The following ACVR1C variants were observed in gnomAD, a reference collection of about 807,000 sequenced individuals.
ACVR1C encodes activin receptor type-1C.
ACVR1C carries 23 observed loss-of-function variants against 57.9 expected under a neutral mutation model. The ratio of observed to expected loss-of-function variants is 0.40; its 90% CI spans 0.29 to 0.56. The LOEUF is 0.56. ACVR1C is among the 20% of genes least tolerant of loss of function. ACVR1C has a pLI of 0.50. For synonymous variants in ACVR1C, 214 were observed against 215.3 expected (o/e 0.99, Z 0.05); for missense variants, 480 against 607.9 (o/e 0.79, Z 2.21).
intron 2 of ACVR1C, among the ~76,000 whole-genome samples, chr2:157,586,197 C>T (rs1688917998): frequency 6.6e-6 from 1 of 151,912 alleles, no homozygotes. Context: ...ACATAGTTAT[C>T]TTCTATTTAG....
chr2:157,596,528 A>G (rs1165087656), intron 1 of ACVR1C, among the ~76,000 whole-genome samples: 2 of 152,190 alleles, frequency 1.3e-5, no homozygotes, highest in African/African-American at 2.4e-5. Flanking sequence ...ATCCAATAAC[A>G]TGATAGACAT....
intron 5 of ACVR1C, among the ~76,000 whole-genome samples, chr2:157,543,271 T>C (rs1308562196): frequency 6.6e-6 from 1 of 152,160 alleles, no homozygotes; most frequent in Non-Finnish European, 1.5e-5. Context: ...ATCCCCAAGG[T>C]CCTTGCAACT....
rs1238220369 is a variant in ACVR1C at position 157,526,821 on chromosome 2, G to A, written c.*7097C>T. 1 of 152,136 alleles carries A rather than the reference G, an allele frequency of 6.6e-6. No individual in the cohort carries two copies. The highest frequency in any genetic ancestry group is 2.4e-5 in the African/African-American group (1 of 41,438). 9.4% of individuals were successfully genotyped at this position (152,136 alleles called of 1,614,324 possible). A position where few individuals can be genotyped will look rare whatever the true frequency, so the allele number is the denominator to read the frequency against. Reference sequence around the variant, plus strand: ...AGTTCTATATGCTTCACAGAAACAAGTGCAAGAAGTGCTTGATTTATTATC... The same window carrying A: ...AGTTCTATATGCTTCACAGAAACAAATGCAAGAAGTGCTTGATTTATTATC... On this transcript the variant is annotated 3_prime_UTR_variant, in exon 9 of 9. Transcript: ENST00000243349.
intron 1 of ACVR1C, chr2:157,597,229 C>T (rs114718711): frequency 3.3e-4 from 189 of 568,678 alleles, no homozygotes; most frequent in Non-Finnish European, 4.1e-4. Flanking sequence ...GTGCATTAAC[C>T]TGCCCCCACT....
chr2:157,614,865 A>C (rs1219280383), intron 1 of ACVR1C, among the ~76,000 whole-genome samples: 1 of 152,072 alleles, frequency 6.6e-6, no homozygotes, highest in African/African-American at 2.4e-5. Flanking sequence ...CTTTCAATCT[A>C]TTTGTCTCTT....
At chr2:157,535,717 A>C (rs958275855) in intron 8 of ACVR1C, among the ~76,000 whole-genome samples, 1 of 152,158 alleles carries the variant, frequency 6.6e-6, no homozygotes, top group Non-Finnish European at 1.5e-5. Context: ...TGGGAGGCGG[A>C]GGTAGCAGTA....
chr2:157,576,553 G>C (rs1688657681), intron 2 of ACVR1C, among the ~76,000 whole-genome samples: 1 of 152,068 alleles, frequency 6.6e-6, no homozygotes, highest in South Asian at 2.1e-4. Context: ...CATTGTGCTT[G>C]ATCATTTTCT....
chr2:157,609,836 T>C (rs1432887904), intron 1 of ACVR1C, among the ~76,000 whole-genome samples: 1 of 152,042 alleles, frequency 6.6e-6, no homozygotes, highest in East Asian at 1.9e-4. Flanking sequence ...TTACTTTCAG[T>C]GTATATGGGT....
At chr2:157,609,761 T>C (rs1902032) in intron 1 of ACVR1C, among the ~76,000 whole-genome samples, 9,955 of 152,138 alleles carry the variant, frequency 0.065, 499 homozygotes, top group East Asian at 0.24. Context: ...TATTATCTGA[T>C]ATAAGTATAA....
intron 2 of ACVR1C, among the ~76,000 whole-genome samples, chr2:157,580,109 G>A (rs938706220): frequency 4.0e-5 from 6 of 150,866 alleles, no homozygotes; most frequent in Non-Finnish European, 8.9e-5. Flanking sequence ...ACGCACACAC[G>A]TGCGCGTGCT....
chr2:157,617,760 T>C (rs1250702864), intron 1 of ACVR1C, among the ~76,000 whole-genome samples: 1 of 151,932 alleles, frequency 6.6e-6, no homozygotes, highest in Non-Finnish European at 1.5e-5. Flanking sequence ...TATTAATGGA[T>C]AGAAGGATGG....
intron 3 of ACVR1C, among the ~76,000 whole-genome samples, chr2:157,552,152 T>G (rs950444776): frequency 2.0e-5 from 3 of 152,168 alleles, no homozygotes; most frequent in Non-Finnish European, 4.4e-5. Flanking sequence ...TTGTTTGTTT[T>G]TTGAGATGGA....
intron 2 of ACVR1C, among the ~76,000 whole-genome samples, chr2:157,557,734 T>C (rs913738470): frequency 6.6e-6 from 1 of 152,182 alleles, no homozygotes; most frequent in Non-Finnish European, 1.5e-5. Flanking sequence ...AATGTGATCA[T>C]TGAAACCAAG....
intron 2 of ACVR1C, among the ~76,000 whole-genome samples, chr2:157,575,065 G>A (rs1321490869): frequency 1.3e-5 from 2 of 151,934 alleles, no homozygotes; most frequent in Non-Finnish European, 2.9e-5. Context: ...GGGCTTGAAG[G>A]ATCCTCCTGC....
chr2:157,592,281 C>T (rs1689066762), intron 1 of ACVR1C, among the ~76,000 whole-genome samples: 1 of 152,000 alleles, frequency 6.6e-6, no homozygotes, highest in Non-Finnish European at 1.5e-5. Flanking sequence ...ACTACTGGCT[C>T]CTTATAAAAA....
At chr2:157,587,496 T>C in intron 1 of ACVR1C, 79 bp from the exon 2 acceptor site, 1 of 1,099,402 alleles carries the variant, frequency 9.1e-7, no homozygotes, top group Non-Finnish European at 1.3e-6. Flanking sequence ...GGAATATAAA[T>C]TCAATCTTAA....
At chr2:157,598,702 C>T (rs569780193) in intron 1 of ACVR1C, among the ~76,000 whole-genome samples, 3 of 151,978 alleles carry the variant, frequency 2.0e-5, no homozygotes, top group Admixed American at 1.3e-4. Context: ...ACCCACCAGG[C>T]TAATTTTGTA....
chr2:157,549,583 G>A (rs1478955220), intron 4 of ACVR1C, among the ~76,000 whole-genome samples: 1 of 152,078 alleles, frequency 6.6e-6, no homozygotes, highest in Admixed American at 6.6e-5. Context: ...TGGACATCAT[G>A]ATTTCCCATC....
chr2:157,614,647 TC>T (rs1682601943), intron 1 of ACVR1C, among the ~76,000 whole-genome samples: 1 of 152,198 alleles, frequency 6.6e-6, no homozygotes, highest in Admixed American at 6.5e-5. Context: ...TTCAGTTCTA[TC>T]CATTGTTGTT....
Sources: allele counts gnomAD v4.1 joint callset (sites outside exome capture counted in the v4.1 genomes callset), GRCh38; gene constraint gnomAD v4.1.1; transcripts MANE v1.5; gene names NCBI Gene and HGNC (gene_info 2026-07-23, HGNC 2026-07-21).